Variants in ERC2 observed in about 807,000 individuals in gnomAD.
The protein encoded by ERC2 is ERC protein 2.
In ERC2, 42 loss-of-function variants were observed where a neutral mutation model predicts 114.8. That is an observed-to-expected ratio of 0.37 (90% confidence interval 0.29 to 0.47). The LOEUF is 0.47. Ranked by LOEUF, ERC2 falls within the 20% of genes least tolerant of loss-of-function variation. The pLI, the probability that ERC2 is intolerant of heterozygous loss-of-function variation, is 0.99. For missense variants in ERC2, 939 were observed against 1,150.7 expected (o/e 0.82, Z 2.66); for synonymous variants, 454 against 425.5 (o/e 1.07, Z -0.82).
chr3:56,357,942 T>G (rs13083082), intron 2 of ERC2, among the ~76,000 whole-genome samples: 1 of 151,204 alleles, frequency 6.6e-6, no homozygotes, highest in Non-Finnish European at 1.5e-5. Context: ...GACATCATCC[T>G]TATAATGTTT....
At chr3:56,269,884 C>T (rs953826070) in intron 3 of ERC2, among the ~76,000 whole-genome samples, 1 of 152,148 alleles carries the variant, frequency 6.6e-6, no homozygotes, top group Non-Finnish European at 1.5e-5. Context: ...AGGCTCTGGT[C>T]ACTTGGGGAA....
intron 14 of ERC2, among the ~76,000 whole-genome samples, chr3:55,754,875 A>G (rs1185456117): frequency 6.6e-6 from 1 of 152,120 alleles, no homozygotes; most frequent in Non-Finnish European, 1.5e-5. Flanking sequence ...ATAACCCATA[A>G]GCTGTACTAA....
At chr3:55,993,428 T>C (rs1293935508) in intron 10 of ERC2, among the ~76,000 whole-genome samples, 1 of 152,154 alleles carries the variant, frequency 6.6e-6, no homozygotes, top group Non-Finnish European at 1.5e-5. Context: ...TGGGATTGAA[T>C]GAATCATGCA....
chr3:56,308,794 GT>G (rs34188866), intron 2 of ERC2, among the ~76,000 whole-genome samples: 35,498 of 149,590 alleles, frequency 0.24, 4,580 homozygotes, highest in Admixed American at 0.31. Flanking sequence ...AAGTCGTGAA[GT>G]TTTTTTTTTT....
chr3:56,083,670 TA>T (rs1248270332), intron 6 of ERC2, among the ~76,000 whole-genome samples: 1 of 152,256 alleles, frequency 6.6e-6, no homozygotes, highest in East Asian at 1.9e-4. Flanking sequence ...ACCTGGGAAC[TA>T]AATTACCTTA....
intron 17 of ERC2, among the ~76,000 whole-genome samples, chr3:55,587,761 G>A (rs904869950): frequency 4.6e-5 from 7 of 152,254 alleles, no homozygotes; most frequent in Non-Finnish European, 8.8e-5. Context: ...ACTATTCAGC[G>A]GTTTTTGTGT....
chr3:56,417,708 G>C (rs1343960082), intron 2 of ERC2, among the ~76,000 whole-genome samples: 1 of 152,172 alleles, frequency 6.6e-6, no homozygotes, highest in African/African-American at 2.4e-5. Flanking sequence ...CATCTCCAAA[G>C]CTGGTGCTCT....
intron 17 of ERC2, among the ~76,000 whole-genome samples, chr3:55,643,197 G>C (rs2060259204): frequency 6.6e-6 from 1 of 152,122 alleles, no homozygotes; most frequent in African/African-American, 2.4e-5. Context: ...AAATGGGATT[G>C]GCAATCATCA....
At chr3:55,929,553 A>G (rs889315743) in intron 13 of ERC2, among the ~76,000 whole-genome samples, 1 of 152,254 alleles carries the variant, frequency 6.6e-6, no homozygotes, top group Non-Finnish European at 1.5e-5. Flanking sequence ...AAAAAAGTGG[A>G]CAAAGCTAAG....
intron 14 of ERC2, among the ~76,000 whole-genome samples, chr3:55,872,388 G>A (rs1382601241): frequency 6.6e-6 from 1 of 152,124 alleles, no homozygotes; most frequent in African/African-American, 2.4e-5. Context: ...GGATTTACTA[G>A]GGGATTCTTA....
chr3:55,831,901 C>A (rs990738170), intron 14 of ERC2, among the ~76,000 whole-genome samples: 5 of 152,192 alleles, frequency 3.3e-5, no homozygotes, highest in African/African-American at 9.7e-5. Context: ...CACTCCCACC[C>A]GAATACTGTG....
intron 2 of ERC2, among the ~76,000 whole-genome samples, chr3:56,396,506 C>A (rs2106899299): frequency 6.6e-6 from 1 of 152,130 alleles, no homozygotes; most frequent in Non-Finnish European, 1.5e-5. Context: ...AGAAAGGTGG[C>A]CAAGATGTAT....
intron 13 of ERC2, among the ~76,000 whole-genome samples, chr3:55,914,368 CT>C (rs2064980147): frequency 6.6e-6 from 1 of 152,122 alleles, no homozygotes; most frequent in Non-Finnish European, 1.5e-5. Context: ...TTACATTATT[CT>C]TAACACTCTC....
chr3:55,586,803 G>A (rs996853858), intron 17 of ERC2, among the ~76,000 whole-genome samples: 2 of 151,982 alleles, frequency 1.3e-5, no homozygotes, highest in Non-Finnish European at 2.9e-5. Context: ...TTCAAATATG[G>A]AGAACAAAAT....
intron 17 of ERC2, among the ~76,000 whole-genome samples, chr3:55,588,972 G>A (rs1394826620): frequency 6.6e-6 from 1 of 152,030 alleles, no homozygotes; most frequent in Non-Finnish European, 1.5e-5. Flanking sequence ...CAGAGGGAGG[G>A]TAGGGCAAGC....
In ERC2 at chr3:55,708,126, C is replaced by T. The variant is rs558914671; in HGVS notation, c.2713-8614G>A. On this transcript the variant is annotated intron_variant, in intron 15 of 17. Coordinates refer to ENST00000288221, the MANE Select transcript of ERC2 (RefSeq NM_015576.3). ...CTCACTTTTGATTTTAAAATTCCCTCTGAAAACGATGGAACTCAGACACAT... is the reference window on the plus strand; with the variant it reads ...CTCACTTTTGATTTTAAAATTCCCTTTGAAAACGATGGAACTCAGACACAT... Among the ~76,000 whole-genome samples the T allele has an allele frequency of 9.2e-5, 14 of 152,330 alleles. No individual in the cohort carries two copies. In the South Asian group the frequency reaches 2.9e-3, roughly 32 times the overall value.
chr3:55,739,339 T>C (rs901637023), intron 14 of ERC2, among the ~76,000 whole-genome samples: 8 of 152,188 alleles, frequency 5.3e-5, no homozygotes, highest in Non-Finnish European at 1.0e-4. Flanking sequence ...CGCCACACCG[T>C]CTTCCACAAT....
intron 17 of ERC2, among the ~76,000 whole-genome samples, chr3:55,628,624 C>T (rs2148619308): frequency 6.6e-6 from 1 of 152,242 alleles, no homozygotes; most frequent in East Asian, 1.9e-4. Flanking sequence ...TCCATCGAGG[C>T]CCAAATCCCT....
intron 17 of ERC2, among the ~76,000 whole-genome samples, chr3:55,539,417 T>TAA: frequency 4.1e-5 from 1 of 24,458 alleles, no homozygotes; most frequent in Non-Finnish European, 9.6e-5. Context: ...TTTTCTTTCT[T>TAA]TTTTTTTTTT....
Sources: gnomAD v4.1 joint callset for allele counts (sites outside exome capture counted in the v4.1 genomes callset) on GRCh38, gnomAD v4.1.1 for gene constraint, MANE v1.5 for transcripts, NCBI Gene and HGNC (gene_info 2026-07-23, HGNC 2026-07-21) for gene names.